The following RAPGEF4 variants were observed in gnomAD, a reference collection of about 807,000 sequenced individuals.
RAPGEF4 encodes RAP guanine-nucleotide-exchange factor (GEF) 4.
A neutral mutation model predicts 147.9 loss-of-function variants in RAPGEF4; 66 were observed. The ratio of observed to expected loss-of-function variants is 0.45; its 90% CI spans 0.37 to 0.55. The LOEUF (loss-of-function observed/expected upper bound fraction) is 0.55. Ranked by LOEUF, RAPGEF4 falls within the 20% of genes least tolerant of loss-of-function variation. The pLI is 0.00. For synonymous variants in RAPGEF4, 419 were observed against 442.7 expected, an observed-to-expected ratio of 0.95 and a Z score of 0.67; for missense variants, 1,071 against 1,257.3, an observed-to-expected ratio of 0.85 and a Z score of 2.24.
Position 172,821,527 on chromosome 2 carries a change from A to G in RAPGEF4, c.444+7102A>G, listed in dbSNP as rs993480054. On this transcript the variant is annotated intron_variant, in intron 4 of 30. Transcript: ENST00000397081. ...TGAAAGCCAAGACTTCATGCCAGGAACTCCAGCCACACACATCCTGTTGGC... is the reference window on the plus strand; with the variant it reads ...TGAAAGCCAAGACTTCATGCCAGGAGCTCCAGCCACACACATCCTGTTGGC... 5.4e-6 allele frequency: 5 copies of G among 928,006 alleles called. No individual in the cohort carries two copies. The African/African-American group carries it at 9.0e-5, about 17-fold the overall frequency. 57.5% of individuals were successfully genotyped at this position (928,006 alleles called of 1,614,324 possible).
chr2:172,792,693 T>C (rs964489624), intron 1 of RAPGEF4, among the ~76,000 whole-genome samples: 1 of 152,202 alleles, frequency 6.6e-6, no homozygotes, highest in Non-Finnish European at 1.5e-5. Context: ...TAGTGACAGA[T>C]CATCTACTCA....
intron 1 of RAPGEF4, among the ~76,000 whole-genome samples, chr2:172,740,710 A>G (rs1227193909): frequency 1.3e-5 from 2 of 152,234 alleles, no homozygotes; most frequent in Non-Finnish European, 2.9e-5. Flanking sequence ...GCTAGTATCT[A>G]CTAGCCATGT....
intron 4 of RAPGEF4, among the ~76,000 whole-genome samples, chr2:172,847,878 A>C (rs6717835): frequency 0.011 from 1,617 of 152,128 alleles, 35 homozygotes; most frequent in African/African-American, 0.036. Context: ...TCTCATGTTT[A>C]TTTTCATGGT....
At chr2:172,879,834 C>T (rs370260188) in intron 4 of RAPGEF4, among the ~76,000 whole-genome samples, 3 of 151,954 alleles carry the variant, frequency 2.0e-5, no homozygotes, top group African/African-American at 4.8e-5. Context: ...ATTTGTTAAG[C>T]GTATATAAAA....
At chr2:173,001,428 A>C (rs1240131962) in intron 17 of RAPGEF4, 84 bp downstream of exon 17, 1 of 1,560,656 alleles carries the variant, frequency 6.4e-7, no homozygotes, top group Non-Finnish European at 8.8e-7. Context: ...CATCTTCTGC[A>C]GGTAAGTCAT....
At chr2:172,876,998 A>G (rs1405031430) in intron 4 of RAPGEF4, among the ~76,000 whole-genome samples, 1 of 151,992 alleles carries the variant, frequency 6.6e-6, no homozygotes, top group African/African-American at 2.4e-5. Context: ...CGAGGAATTT[A>G]TCCATTTCTT....
intron 4 of RAPGEF4, among the ~76,000 whole-genome samples, chr2:172,899,383 G>A (rs1461275750): frequency 1.3e-5 from 2 of 152,232 alleles, no homozygotes; most frequent in African/African-American, 4.8e-5. Flanking sequence ...AGTGTTTGCA[G>A]CAGAAATCTG....
intron 17 of RAPGEF4, 51 bp downstream of exon 17, chr2:173,001,395 C>G (rs377175262): frequency 4.2e-5 from 67 of 1,609,380 alleles, no homozygotes; most frequent in African/African-American, 5.4e-5. Flanking sequence ...GACAACCCCC[C>G]CTATCGAGGG....
intron 4 of RAPGEF4, among the ~76,000 whole-genome samples, chr2:172,916,883 A>G (rs1420074346): frequency 6.6e-6 from 1 of 152,182 alleles, no homozygotes; most frequent in Non-Finnish European, 1.5e-5. Flanking sequence ...TGGAGTGTTG[A>G]TTCTTTTGAT....
In RAPGEF4 at chr2:173,051,818, A is replaced by G. The variant is rs747332177; in HGVS notation, c.*51A>G. ...TTTGTCTCCAGTCCACAATCTTTCA[A>G]AAATGCCATTTATGCTACTACTGAC... On this transcript the variant is annotated 3_prime_UTR_variant, in exon 31 of 31. Coordinates refer to ENST00000397081, the MANE Select transcript of RAPGEF4 (RefSeq NM_007023.4). 2 of 1,598,382 alleles carry G rather than the reference A, an allele frequency of 1.3e-6. No individual in the cohort carries two copies. The highest frequency in any genetic ancestry group is 1.1e-5 in the South Asian group (1 of 89,730).
At chr2:173,031,444 GTCC>G (rs1328599927) in intron 26 of RAPGEF4, among the ~76,000 whole-genome samples, 1 of 152,154 alleles carries the variant, frequency 6.6e-6, no homozygotes, top group Non-Finnish European at 1.5e-5. Flanking sequence ...GAGACCTAGG[GTCC>G]TCCTGCAAAG....
intron 14 of RAPGEF4, among the ~76,000 whole-genome samples, chr2:172,990,128 T>C (rs1209793661): frequency 1.3e-5 from 2 of 151,984 alleles, no homozygotes; most frequent in East Asian, 3.9e-4. Flanking sequence ...TCTTTTTAAA[T>C]GAGGGCCAAA....
intron 4 of RAPGEF4, among the ~76,000 whole-genome samples, chr2:172,851,263 G>T (rs1171842066): frequency 6.6e-6 from 1 of 152,088 alleles, no homozygotes; most frequent in African/African-American, 2.4e-5. Flanking sequence ...TGATCTTCTT[G>T]GTATTGATTT....
At chr2:172,764,042 G>C (rs1255315798) in intron 1 of RAPGEF4, among the ~76,000 whole-genome samples, 1 of 151,960 alleles carries the variant, frequency 6.6e-6, no homozygotes, top group East Asian at 1.9e-4. Flanking sequence ...CTCGAACCCA[G>C]GAGTTTGGAA....
rs184646478 is a variant in RAPGEF4 at position 173,052,225 on chromosome 2, T to C, written c.*458T>C. ...GGGGTTTCGGGAAGGTGTTGAGGAA[T>C]CTATAGAAGTCCAAATTATAGGTTG... On this transcript the variant is annotated 3_prime_UTR_variant, in exon 31 of 31. Transcript: ENST00000397081. 1.5e-3 allele frequency: 225 copies of C among 153,964 alleles called. 1 individual carries two copies. The highest frequency in any genetic ancestry group is 5.2e-3 in the African/African-American group (215 of 41,604). 9.5% of individuals were successfully genotyped at this position (153,964 alleles called of 1,614,324 possible).
chr2:172,888,154 A>G (rs938026743), intron 4 of RAPGEF4, among the ~76,000 whole-genome samples: 1 of 152,254 alleles, frequency 6.6e-6, no homozygotes, highest in African/African-American at 2.4e-5. Flanking sequence ...ACCAGTGCAC[A>G]GAAAAGAGTG....
chr2:172,800,644 A>G (rs1686880920), intron 3 of RAPGEF4, among the ~76,000 whole-genome samples: 1 of 152,196 alleles, frequency 6.6e-6, no homozygotes, highest in South Asian at 2.1e-4. Context: ...TCTGAAGTCT[A>G]GAGCTGGCAG....
Position 172,918,088 on chromosome 2 carries a change from T to C in RAPGEF4, c.517+214T>C, listed in dbSNP as rs1309237237. 1.3e-5 allele frequency: 9 copies of C among 718,520 alleles called. No homozygotes were observed. In the East Asian group the frequency reaches 2.3e-4, roughly 18 times the overall value. 44.5% of individuals were successfully genotyped at this position (718,520 alleles called of 1,614,324 possible). A position where few individuals can be genotyped will look rare whatever the true frequency, so the allele number is the denominator to read the frequency against. ...TCTTAGCTGATAGAGAGAGGTATGC[T>C]CTGGTGCCAGCTGGAACTTTGGCAT... On this transcript the variant is annotated intron_variant, in intron 5 of 30. Coordinates refer to ENST00000397081, the MANE Select transcript of RAPGEF4 (RefSeq NM_007023.4).
intron 3 of RAPGEF4, 53 bp downstream of exon 3, chr2:172,797,666 TA>T: frequency 7.5e-7 from 1 of 1,328,744 alleles, no homozygotes. Context: ...AAAGACTTAT[TA>T]TCCCTATGTC....
Sources: allele counts gnomAD v4.1 joint callset (sites outside exome capture counted in the v4.1 genomes callset), GRCh38; gene constraint gnomAD v4.1.1; transcripts MANE v1.5; gene names NCBI Gene and HGNC (gene_info 2026-07-23, HGNC 2026-07-21).